ZNF347: variants seen among roughly 807,000 people sequenced by gnomAD.
ZNF347 encodes the protein zinc finger protein 347.
Under a neutral mutation model 12.9 loss-of-function variants are expected in ZNF347, and 19 were observed. That is an observed-to-expected ratio of 1.47 (90% CI 1.03 to 2.16). ZNF347 has a LOEUF of 2.16. Among genes scored for constraint, ZNF347 ranks in the 30% most tolerant of loss-of-function variants. ZNF347 has a pLI of 0.00. For synonymous variants in ZNF347, 328 were observed against 340.6 expected (o/e 0.96, Z 0.41); for missense variants, 1,005 against 990.6 (o/e 1.01, Z -0.19).
At chr19:53,143,593 T>C (rs903673824) in intron 4 of ZNF347, among the ~76,000 whole-genome samples, 1 of 151,998 alleles carries the variant, frequency 6.6e-6, no homozygotes, top group African/African-American at 2.4e-5. Context: ...TTCCATGGTG[T>C]ATATGTGCCA....
Position 53,141,057 on chromosome 19 carries a change from G to T in ZNF347, c.1771C>A (p.His591Asn). 1 of 1,613,238 alleles carries T rather than the reference G, an allele frequency of 6.2e-7. No homozygotes were observed. Among genetic ancestry groups the T allele is most frequent in the East Asian group, 2.2e-5 (1 of 44,824 alleles). The change falls in exon 5 of 5, where the codon CAT (histidine) becomes AAT (asparagine). Residue 591 changes from histidine to asparagine, a missense_variant. Transcript: ENST00000334197. ...NSHLARHRGI[H>N]TGEKPYKCNE... ...CATTTATAAGGTTTCTCTCCAGTAT[G>T]AATTCCCCGATGTCTTGCAAGGTGT...
At position 53,142,335 on chromosome 19, in the gene ZNF347, G is replaced by A. The variant is rs755763341; in HGVS notation, c.493C>T (p.His165Tyr). 6.2e-7 allele frequency: 1 copy of A among 1,614,080 alleles called. No homozygotes were observed. The highest frequency in any genetic ancestry group is 8.5e-7 in the Non-Finnish European group (1 of 1,180,000). The stretch of plus-strand genomic sequence containing the variant: ...CTTTTATCATGTTCATCTCTTCCAT[G>A]AGTGAGATTGCCTTCTTGGGTCAAA... ...VLLTQEGNLT[H>Y]GRDEHDKRDA... Residue 165 changes from histidine to tyrosine, a missense_variant, in exon 5 of 5, where the codon CAT becomes TAT. His to Tyr is a moderately conservative substitution (Grantham distance 83). Transcript: ENST00000334197.
At chr19:53,147,798 T>C (rs1161435808) in intron 4 of ZNF347, among the ~76,000 whole-genome samples, 1 of 151,912 alleles carries the variant, frequency 6.6e-6, no homozygotes, top group Non-Finnish European at 1.5e-5. Context: ...CAACAACACA[T>C]TAAAAAGACA....
At chr19:53,144,795 A>G (rs1183794577) in intron 4 of ZNF347, among the ~76,000 whole-genome samples, 1 of 152,116 alleles carries the variant, frequency 6.6e-6, no homozygotes, top group Non-Finnish European at 1.5e-5. Context: ...TCCATGCCCT[A>G]ACAGACGTTT....
chr19:53,148,620 C>A, intron 4 of ZNF347, 61 bp downstream of exon 4: 1 of 1,534,344 alleles, frequency 6.5e-7, no homozygotes, highest in Non-Finnish European at 8.8e-7. Flanking sequence ...CTCAGATTTG[C>A]ATAGAGTTTC....
At chr19:53,143,342 A>G (rs1236052104) in intron 4 of ZNF347, among the ~76,000 whole-genome samples, 1 of 150,322 alleles carries the variant, frequency 6.7e-6, no homozygotes, top group Non-Finnish European at 1.5e-5. Flanking sequence ...TCGTCATTTA[A>G]CATTAGGTAT....
At chr19:53,153,870 C>A in intron 1 of ZNF347, 77 bp from the exon 2 acceptor site, 1 of 1,064,586 alleles carries the variant, frequency 9.4e-7, no homozygotes, top group Admixed American at 1.9e-5. Context: ...AGAATCAACA[C>A]ATCCCCTTCC....
chr19:53,142,688 A>C, intron 4 of ZNF347, 132 bp from the exon 5 acceptor site: 1 of 675,346 alleles, frequency 1.5e-6, no homozygotes, highest in Non-Finnish European at 2.3e-6. Flanking sequence ...CAGATTTATG[A>C]AACTTCAGAA....
In ZNF347 at chr19:53,135,888, A is replaced by C. The variant is rs1417020257; in HGVS notation, c.*4420T>G. 1 of 152,126 alleles carries C rather than the reference A, an allele frequency of 6.6e-6. No homozygotes were observed. The highest frequency in any genetic ancestry group is 2.4e-5 in the African/African-American group (1 of 41,430). The allele number at this position is 152,126 out of a possible 1,614,324, so 9.4% of individuals were successfully genotyped here. A position where few individuals can be genotyped will look rare whatever the true frequency, so the allele number is the denominator to read the frequency against. ...AGTTTTTTAAAATGGAAACAAATCT[A>C]AGGGGAGTATATTAAATGGCAGCTG... On this transcript the variant is annotated 3_prime_UTR_variant, in exon 5 of 5. Coordinates refer to ENST00000334197, the MANE Select transcript of ZNF347 (RefSeq NM_032584.3).
In ZNF347 at chr19:53,141,998, G is replaced by T; in HGVS notation, c.830C>A (p.Ala277Glu). 2 of 1,614,136 alleles carry T rather than the reference G, an allele frequency of 1.2e-6. No individual in the cohort carries two copies. Among genetic ancestry groups the T allele is most frequent in the Non-Finnish European group, 1.7e-6 (2 of 1,180,024 alleles). The change falls in exon 5 of 5, where the codon GCA becomes GAA. Residue 277 changes from alanine to glutamate, a missense_variant. Coordinates refer to ENST00000334197, the MANE Select transcript of ZNF347 (RefSeq NM_032584.3). Reference protein sequence around the residue: ...GMVFPQNSHLASHQRSHTKEK... With the variant: ...GMVFPQNSHLESHQRSHTKEK... ...TTTAGTATGACTTCTCTGATGACTT[G>T]CAAGGTGTGAATTTTGAGGAAAGAC...
At chr19:53,153,550 A>T (rs1398460568) in intron 2 of ZNF347, among the ~76,000 whole-genome samples, 183 bp downstream of exon 2, 3 of 152,140 alleles carry the variant, frequency 2.0e-5, no homozygotes, top group Non-Finnish European at 4.4e-5. Flanking sequence ...TCCCAAGCTC[A>T]TGTCACTGGG....
At chr19:53,149,930 C>A (rs1039350846) in intron 2 of ZNF347, among the ~76,000 whole-genome samples, 2 of 152,110 alleles carry the variant, frequency 1.3e-5, no homozygotes, top group African/African-American at 4.8e-5. Context: ...TTCTCCCATA[C>A]CTTACCCAAT....
chr19:53,140,075 C>A lies in ZNF347; in HGVS notation c.*233G>T, dbSNP rs910159364. 6.6e-6 allele frequency: 3 copies of A among 451,306 alleles called. No homozygotes were observed. The highest frequency in any genetic ancestry group is 4.0e-5 in the African/African-American group (2 of 50,596). 28.0% of individuals were successfully genotyped at this position (451,306 alleles called of 1,614,324 possible). A position where few individuals can be genotyped will look rare whatever the true frequency, so the allele number is the denominator to read the frequency against. ...GCCACCAGGCCTAGCTAATTGTGTA[C>A]TTTTAGTAGAAATGGGGTTTCGCCA... On this transcript the variant is annotated 3_prime_UTR_variant, in exon 5 of 5. Coordinates refer to ENST00000334197, the MANE Select transcript of ZNF347 (RefSeq NM_032584.3).
rs1568632397 is a variant in ZNF347 at position 53,135,296 on chromosome 19, C to T, written c.*5012G>A. On this transcript the variant is annotated 3_prime_UTR_variant, in exon 5 of 5. Transcript: ENST00000334197. Reference sequence around the variant, plus strand: ...GTCTCTTCATAGTTCTACCCATTTTCTAAATATATATATATATATATATAT... The same window carrying T: ...GTCTCTTCATAGTTCTACCCATTTTTTAAATATATATATATATATATATAT... 1 of 56,716 alleles carries T rather than the reference C, an allele frequency of 1.8e-5. No homozygotes were observed. The highest frequency in any genetic ancestry group is 3.1e-5 in the Non-Finnish European group (1 of 32,362). The allele number at this position is 56,716 out of a possible 1,614,324, so 3.5% of individuals were successfully genotyped here. A position where few individuals can be genotyped will look rare whatever the true frequency, so the allele number is the denominator to read the frequency against.
intron 2 of ZNF347, among the ~76,000 whole-genome samples, chr19:53,149,836 A>G (rs2090486540): frequency 6.6e-6 from 1 of 151,918 alleles, no homozygotes; most frequent in Non-Finnish European, 1.5e-5. Flanking sequence ...GGCTCTGAGG[A>G]CGCCCCCACC....
chr19:53,140,434 G>C lies in ZNF347; in HGVS notation c.2394C>G (p.Pro798=), dbSNP rs140312407. ...TAGTTAGGCTTGAACAGATACTAAA[G>C]GGTTTCCCACACTCATATGGTTTCT... is the stretch of plus-strand genomic sequence containing the variant. ...TGEKPYECGK[P]FSICSSLTTH... is the part of the protein sequence containing the mutation. Residue 798 remains proline (P), a synonymous_variant, in exon 5 of 5, where the codon CCC becomes CCG. Coordinates refer to ENST00000334197, the MANE Select transcript of ZNF347 (RefSeq NM_032584.3). 364 of 1,614,048 alleles carry C rather than the reference G, an allele frequency of 2.3e-4. 3 individuals carry two copies. The highest frequency in any genetic ancestry group is 1.5e-3 in the African/African-American group (115 of 75,030).
intron 1 of ZNF347, among the ~76,000 whole-genome samples, chr19:53,155,294 C>CTGTGTGTGTGTGTG (rs61275588): frequency 1.4e-4 from 20 of 141,934 alleles, no homozygotes; most frequent in Admixed American, 1.4e-4. Context: ...AGACTTTATT[C>CTGTGTGTGTGTGTG]TGTGTGTGTG....
At position 53,141,345 on chromosome 19, in the gene ZNF347, T is replaced by C. The variant is rs1202152585; in HGVS notation, c.1483A>G (p.Arg495Gly). The C allele has an allele frequency of 6.8e-6, 11 of 1,614,052 alleles. No homozygotes were observed. Among genetic ancestry groups the C allele is most frequent in the Non-Finnish European group, 7.6e-6 (9 of 1,179,978 alleles). The change falls in exon 5 of 5, where the codon AGA (arginine) becomes GGA (glycine). Residue 495 changes from arginine (R) to glycine (G), a missense_variant. Arg to Gly is a moderately radical substitution (Grantham distance 125, BLOSUM62 -2). Transcript: ENST00000334197. ...TGGGTAGTTAGGTTTGAATGTGCTC[T>C]AAAGGCTTTGCCACACTCATTACAC... The part of the protein sequence containing the change: ...YKCNECGKAF[R>G]AHSNLTTHQV...
chr19:53,152,368 A>G (rs2090504273), intron 2 of ZNF347, among the ~76,000 whole-genome samples: 1 of 152,022 alleles, frequency 6.6e-6, no homozygotes, highest in African/African-American at 2.4e-5. Flanking sequence ...GCGTTTTGGG[A>G]GGCCAAGGTG....
Sources: gnomAD v4.1 joint callset for allele counts (sites outside exome capture counted in the v4.1 genomes callset) on GRCh38, gnomAD v4.1.1 for gene constraint, MANE v1.5 for transcripts, NCBI Gene and HGNC (gene_info 2026-07-23, HGNC 2026-07-21) for gene names.